Variants in ESYT3 observed in about 807,000 individuals in gnomAD.
ESYT3 encodes extended synaptotagmin-3.
A neutral mutation model predicts 111.5 loss-of-function variants in ESYT3; 101 were observed. That is an observed-to-expected ratio of 0.91 (90% CI 0.77 to 1.07). ESYT3 has a LOEUF of 1.07. ESYT3 is among the 50% of genes least tolerant of loss of function. ESYT3 has a pLI of 0.00. For missense variants in ESYT3, 1,097 were observed against 1,109.4 expected (o/e 0.99, Z 0.16); for synonymous variants, 416 against 446.8 (o/e 0.93, Z 0.87).
chr3:138,466,151 G>A (rs1167903807), intron 10 of ESYT3, among the ~76,000 whole-genome samples: 2 of 152,206 alleles, frequency 1.3e-5, no homozygotes, highest in Non-Finnish European at 2.9e-5. Flanking sequence ...TGTCATTTGA[G>A]TCATCATCTG....
intron 7 of ESYT3, 93 bp from the exon 8 acceptor site, chr3:138,461,993 A>G: frequency 1.9e-6 from 3 of 1,586,116 alleles, no homozygotes; most frequent in East Asian, 2.2e-5. Context: ...CACCCTACCA[A>G]TCTGGGCTCC....
chr3:138,443,575 AG>A (rs991181965), intron 1 of ESYT3, among the ~76,000 whole-genome samples: 8 of 152,156 alleles, frequency 5.3e-5, no homozygotes, highest in African/African-American at 1.9e-4. Flanking sequence ...GTTAGTTAGC[AG>A]GGGTGTATTG....
At chr3:138,452,478 C>T (rs1720818) in intron 2 of ESYT3, among the ~76,000 whole-genome samples, 1 of 152,338 alleles carries the variant, frequency 6.6e-6, no homozygotes, top group Non-Finnish European at 1.5e-5. Context: ...CCTAACACCT[C>T]TGAGCTGGCT....
chr3:138,459,255 TG>T lies in ESYT3; in HGVS notation c.648+5del. ...CAGGCTGGTGTGAACGGGATCCAGGTGGGTGGAGCCCGGTGGGGCTGCCTCT... is the reference window on the plus strand; with the variant it reads ...CAGGCTGGTGTGAACGGGATCCAGGTGGTGGAGCCCGGTGGGGCTGCCTCT... On this transcript the variant is annotated splice_donor_region_variant and intron_variant, in intron 5 of 22. Coordinates refer to ENST00000389567, the MANE Select transcript of ESYT3 (RefSeq NM_031913.5). 6.4e-7 allele frequency: 1 copy of T among 1,553,234 alleles called. No individual in the cohort carries two copies. Among genetic ancestry groups the T allele is most frequent in the South Asian group, 1.2e-5 (1 of 82,252 alleles).
intron 20 of ESYT3, 152 bp downstream of exon 20, chr3:138,474,504 A>C: frequency 1.2e-6 from 1 of 819,580 alleles, no homozygotes; most frequent in Non-Finnish European, 1.7e-6. Flanking sequence ...TCTGTACGTT[A>C]GTGGGGAAAA....
chr3:138,468,521 T>C lies in ESYT3; in HGVS notation c.1309-134T>C. 3.5e-6 allele frequency: 3 copies of C among 847,370 alleles called. No homozygotes were observed. The Admixed American group carries it at 5.7e-5, about 16-fold the overall frequency. 52.5% of individuals were successfully genotyped at this position (847,370 alleles called of 1,614,324 possible). On this transcript the variant is annotated intron_variant, in intron 12 of 22. Transcript: ENST00000389567. ...TTAACCTCAACAAAATGCTAGGTTG[T>C]GAGAGGTCCTCCGGCAGCTAGTCTG... is the stretch of plus-strand genomic sequence containing the variant.
At chr3:138,462,910 G>A (rs1052290490) in intron 8 of ESYT3, among the ~76,000 whole-genome samples, 3 of 152,098 alleles carry the variant, frequency 2.0e-5, no homozygotes, top group Admixed American at 1.3e-4. Context: ...TGATCTGCCC[G>A]CCTCAGCCTC....
intron 17 of ESYT3, 106 bp from the exon 18 acceptor site, chr3:138,472,256 AG>A: frequency 1.4e-6 from 2 of 1,416,134 alleles, no homozygotes; most frequent in Non-Finnish European, 1.9e-6. Context: ...TTCCCTAGGA[AG>A]GGTCTTTATA....
rs753924486 is a variant in ESYT3 at position 138,464,434 on chromosome 3, C to T, written c.1005C>T (p.Ala335=). The T allele has an allele frequency of 6.2e-7, 1 of 1,614,130 alleles. No individual in the cohort carries two copies. Among genetic ancestry groups the T allele is most frequent in the Non-Finnish European group, 8.5e-7 (1 of 1,180,024 alleles). Residue 335 remains alanine, a synonymous_variant, in exon 9 of 23, where the codon GCC becomes GCT. Coordinates refer to ENST00000389567, the MANE Select transcript of ESYT3 (RefSeq NM_031913.5). ...LGLRGKSDPY[A]KVSIGLQHFR... is the part of the protein sequence containing the mutation. ...TCCGAGGCAAGTCAGATCCCTACGC[C>T]AAGGTGAGCATCGGCCTACAGCATT... is the stretch of plus-strand genomic sequence containing the variant.
At chr3:138,448,505 C>T (rs1431787756) in intron 1 of ESYT3, among the ~76,000 whole-genome samples, 1 of 151,560 alleles carries the variant, frequency 6.6e-6, no homozygotes, top group Non-Finnish European at 1.5e-5. Flanking sequence ...TGAAAATTGC[C>T]TTAGTGAAAG....
In ESYT3 at chr3:138,462,160, TGAA is replaced by T; in HGVS notation, c.874_876del (p.Lys292del). 6.2e-7 allele frequency: 1 copy of T among 1,614,184 alleles called. No individual in the cohort carries two copies. Among genetic ancestry groups the T allele is most frequent in the South Asian group, 1.1e-5 (1 of 91,084 alleles). On this transcript the variant is annotated inframe_deletion, in exon 8 of 23. Coordinates refer to ENST00000389567, the MANE Select transcript of ESYT3 (RefSeq NM_031913.5). ...CTGCCCAACCGTGTGACTGTGCCTG[TGAA>T]GAAGGGGCTGGATCTGACCAACCTG...
chr3:138,470,729 T>A, intron 16 of ESYT3, 148 bp from the exon 17 acceptor site: 1 of 1,496,518 alleles, frequency 6.7e-7, no homozygotes, highest in Non-Finnish European at 8.9e-7. Flanking sequence ...TCTGGCCTGA[T>A]CCCATTCTAG....
At position 138,477,993 on chromosome 3, in the gene ESYT3, G is replaced by T. The variant is rs759346591; in HGVS notation, c.*1139G>T. ...ATTCACATGCAGATGTTCTATTCCA[G>T]AGTAGTCCAAATACTATGCTCTGCT... On this transcript the variant is annotated 3_prime_UTR_variant, in exon 23 of 23. Coordinates refer to ENST00000389567, the MANE Select transcript of ESYT3 (RefSeq NM_031913.5). The T allele has an allele frequency of 2.6e-5, 4 of 152,170 alleles. No homozygotes were observed. The highest frequency in any genetic ancestry group is 7.2e-5 in the African/African-American group (3 of 41,448). The allele number at this position is 152,170 out of a possible 1,614,324, so 9.4% of individuals were successfully genotyped here.
intron 2 of ESYT3, among the ~76,000 whole-genome samples, chr3:138,452,921 A>G (rs1041737858): frequency 5.3e-5 from 8 of 152,216 alleles, no homozygotes; most frequent in Non-Finnish European, 1.0e-4. Flanking sequence ...TGCTGAGTGC[A>G]TCAAAAAGCA....
intron 1 of ESYT3, among the ~76,000 whole-genome samples, chr3:138,441,971 TCATGAGC>T (rs1400230427): frequency 6.6e-6 from 1 of 152,120 alleles, no homozygotes; most frequent in Non-Finnish European, 1.5e-5. Context: ...GTGTCATGAG[TCATGAGC>T]CTTGGAAATC....
At position 138,435,254 on chromosome 3, in the gene ESYT3, G is replaced by C. The variant is rs1054263206; in HGVS notation, c.327+129G>C. The C allele has an allele frequency of 1.1e-5, 10 of 908,322 alleles. No homozygotes were observed. The African/African-American group carries it at 1.7e-4, about 15-fold the overall frequency. The allele number at this position is 908,322 out of a possible 1,614,324, so 56.3% of individuals were successfully genotyped here. On this transcript the variant is annotated intron_variant, in intron 1 of 22. Transcript: ENST00000389567. The surrounding 1 kb of genome is among the most constrained non-coding windows in gnomAD (Gnocchi z 4.8). ...GGGAGCCCGGCGACCTGCACACCCC[G>C]TTCCCCACCGCTCCCGGGGCGCAGA...
At chr3:138,438,382 G>A (rs2030884125) in intron 1 of ESYT3, among the ~76,000 whole-genome samples, 1 of 152,156 alleles carries the variant, frequency 6.6e-6, no homozygotes, top group African/African-American at 2.4e-5. Flanking sequence ...AGCCCCCAGT[G>A]GGGAGGGATG....
intron 3 of ESYT3, among the ~76,000 whole-genome samples, chr3:138,457,309 A>G (rs139993571): frequency 1.3e-5 from 2 of 152,192 alleles, no homozygotes; most frequent in East Asian, 1.9e-4. Context: ...AGAGTTTGCT[A>G]TGGGGCATGA....
intron 1 of ESYT3, among the ~76,000 whole-genome samples, chr3:138,446,906 A>G (rs2031581558): frequency 6.6e-6 from 1 of 152,156 alleles, no homozygotes; most frequent in Non-Finnish European, 1.5e-5. Context: ...GTGGTGGTGC[A>G]TACCTGTAGT....
Sources: allele counts gnomAD v4.1 joint callset (sites outside exome capture counted in the v4.1 genomes callset), GRCh38; gene constraint gnomAD v4.1.1; non-coding constraint Gnocchi (gnomAD v3.1); transcripts MANE v1.5; gene names NCBI Gene and HGNC (gene_info 2026-07-23, HGNC 2026-07-21).